PSMG1: variants seen among roughly 807,000 people sequenced by gnomAD.
PSMG1 encodes Down syndrome critical region gene 2.
Under a neutral mutation model 37.2 loss-of-function variants are expected in PSMG1, and 23 were observed. That is an observed-to-expected ratio of 0.62 (90% CI 0.44 to 0.88). The LOEUF (loss-of-function observed/expected upper bound fraction) is 0.88. PSMG1 is among the 40% of genes least tolerant of loss of function. PSMG1 has a pLI of 0.00. For missense variants in PSMG1, 340 were observed against 344.2 expected (o/e 0.99, Z 0.10); for synonymous variants, 127 against 128.0 (o/e 0.99, Z 0.05).
intron 1 of PSMG1, 127 bp downstream of exon 1, chr21:39,183,125 G>C: frequency 8.2e-7 from 1 of 1,225,974 alleles, no homozygotes; most frequent in Non-Finnish European, 1.1e-6. Context: ...GCAGAGCCAA[G>C]GAGCGGCGGC....
In PSMG1 at chr21:39,175,064, C is replaced by CA. The variant is rs1447663734; in HGVS notation, c.*525dup. Reference sequence around the variant, plus strand: ...AAACTTTCCACATATTAAGAATCACCAACAGGTCAATGAATAGTTACACCT... The same window carrying CA: ...AAACTTTCCACATATTAAGAATCACCAAACAGGTCAATGAATAGTTACACCT... On this transcript the variant is annotated 3_prime_UTR_variant, in exon 7 of 7. Transcript: ENST00000331573. 1 of 152,162 alleles carries CA rather than the reference C, an allele frequency of 6.6e-6. No individual in the cohort carries two copies. Among genetic ancestry groups the CA allele is most frequent in the Non-Finnish European group, 1.5e-5 (1 of 68,042 alleles). The allele number at this position is 152,162 out of a possible 1,614,324, so 9.4% of individuals were successfully genotyped here. A position where few individuals can be genotyped will look rare whatever the true frequency, so the allele number is the denominator to read the frequency against.
intron 1 of PSMG1, among the ~76,000 whole-genome samples, chr21:39,182,420 G>C (rs1245078132): frequency 1.3e-5 from 2 of 152,204 alleles, no homozygotes; most frequent in African/African-American, 4.8e-5. Context: ...TGTGGACCCT[G>C]TTAGGATTCT....
upstream of PSMG1, chr21:39,183,461 T>C: frequency 2.7e-6 from 4 of 1,471,378 alleles, no homozygotes; most frequent in African/African-American, 4.3e-5. Context: ...CCACGCTCCC[T>C]CACCGCGCGG....
chr21:39,180,456 T>A lies in PSMG1; in HGVS notation c.242-20A>T. On this transcript the variant is annotated intron_variant, in intron 2 of 6. Transcript: ENST00000331573. ...GAAATGCTGTAAAAAACAATTCACA[T>A]AAGTTAGTGTTTGGCTCTGCAAGCT... 1.3e-6 allele frequency: 2 copies of A among 1,559,672 alleles called. No homozygotes were observed. Among genetic ancestry groups the A allele is most frequent in the Non-Finnish European group, 1.7e-6 (2 of 1,152,248 alleles).
In PSMG1 at chr21:39,178,456, A is replaced by C; in HGVS notation, c.648T>G (p.Pro216=). 3 of 1,610,656 alleles carry C rather than the reference A, an allele frequency of 1.9e-6. No individual in the cohort carries two copies. The highest frequency in any genetic ancestry group is 2.5e-6 in the Non-Finnish European group (3 of 1,176,834). The change falls in exon 5 of 7, where the codon CCT becomes CCG. Residue 216 remains proline, a synonymous_variant. Transcript: ENST00000331573. ...LEQPNIVHDL[P]AAVLSYCQVW... Reference sequence around the variant, plus strand: ...TACAAATTTTAATACCACCTGCTGCAGGAAGGTCGTGTACTATATTCGGTT... The same window carrying C: ...TACAAATTTTAATACCACCTGCTGCCGGAAGGTCGTGTACTATATTCGGTT...
intron 1 of PSMG1, 145 bp from the exon 2 acceptor site, chr21:39,182,023 C>G: frequency 2.1e-6 from 1 of 471,694 alleles, no homozygotes; most frequent in East Asian, 3.7e-5. Flanking sequence ...AAACGATGGA[C>G]TCGGACAATG....
rs1173636726 is a variant in PSMG1 at position 39,183,426 on chromosome 21, G to GGACCGCACGCCGGCTTGCGCGA, written c.-63_-42dup. The GGACCGCACGCCGGCTTGCGCGA allele has an allele frequency of 2.0e-6, 3 of 1,535,948 alleles. No homozygotes were observed. The highest frequency in any genetic ancestry group is 2.6e-6 in the Non-Finnish European group (3 of 1,145,738). ...GGCTGGACACAACTGCAGCGCCGCG[G>GGACCGCACGCCGGCTTGCGCGA]GACCGCACGCCGGCTTGCGCGAGAC... On this transcript the variant is annotated 5_prime_UTR_variant, in exon 1 of 7. Transcript: ENST00000331573.
Position 39,180,455 on chromosome 21 carries a change from A to G in PSMG1, c.242-19T>C, listed in dbSNP as rs377594764. 67 of 1,564,430 alleles carry G rather than the reference A, an allele frequency of 4.3e-5. No homozygotes were observed. The highest frequency in any genetic ancestry group is 6.8e-5 in the East Asian group (3 of 44,118). On this transcript the variant is annotated intron_variant, in intron 2 of 6. Coordinates refer to ENST00000331573, the MANE Select transcript of PSMG1 (RefSeq NM_003720.4). ...AGAAATGCTGTAAAAAACAATTCAC[A>G]TAAGTTAGTGTTTGGCTCTGCAAGC...
rs763315793 is a variant in PSMG1 at position 39,177,586 on chromosome 21, GA to G, written c.656-16del. The G allele has an allele frequency of 4.1e-5, 60 of 1,460,916 alleles. No individual in the cohort carries two copies. Among genetic ancestry groups the G allele is most frequent in the South Asian group, 8.7e-5 (6 of 69,040 alleles). 90.5% of individuals were successfully genotyped at this position (1,460,916 alleles called of 1,614,324 possible). ...GTAGCTTAGAACTATGAATACACAA[GA>G]AAAAAAAACGATGTAAGTTTTCTAT... On this transcript the variant is annotated splice_polypyrimidine_tract_variant and intron_variant, in intron 5 of 6. Coordinates refer to ENST00000331573, the MANE Select transcript of PSMG1 (RefSeq NM_003720.4).
chr21:39,177,545 T>C lies in PSMG1; in HGVS notation c.682A>G (p.Ile228Val). 6.3e-7 allele frequency: 1 copy of C among 1,589,952 alleles called. No individual in the cohort carries two copies. Among genetic ancestry groups the C allele is most frequent in the Non-Finnish European group, 8.6e-7 (1 of 1,169,170 alleles). ...AVLSYCQVWKIPAILYLCYTD... is the reference protein window; with the variant it reads ...AVLSYCQVWKVPAILYLCYTD... The stretch of plus-strand genomic sequence containing the variant: ...TAACACAAGTACAGAATTGCTGGGA[T>C]TTTCCATACTTGACAGTAGCTTAGA... The change falls in exon 6 of 7, where the codon ATC (isoleucine) becomes GTC (valine). Residue 228 changes from isoleucine to valine, a missense_variant. By Grantham distance (29) the Ile-to-Val change is conservative (BLOSUM62 3). Transcript: ENST00000331573.
Position 39,175,676 on chromosome 21 carries a change from GA to G in PSMG1, c.793-13del, listed in dbSNP as rs759991605. On this transcript the variant is annotated splice_polypyrimidine_tract_variant and intron_variant, in intron 6 of 6. Transcript: ENST00000331573. ...CTTTGGGGAATATTCTGAAAGGAGA[GA>G]AAAAAGTGAATACAGTGAGACCCCA... 16 of 1,521,146 alleles carry G rather than the reference GA, an allele frequency of 1.1e-5. No individual in the cohort carries two copies. The highest frequency in any genetic ancestry group is 1.5e-5 in the Non-Finnish European group (16 of 1,096,378). 94.2% of individuals were successfully genotyped at this position (1,521,146 alleles called of 1,614,324 possible). A position where few individuals can be genotyped will look rare whatever the true frequency, so the allele number is the denominator to read the frequency against.
chr21:39,177,982 A>G (rs1007904281), intron 5 of PSMG1, among the ~76,000 whole-genome samples: 1 of 152,200 alleles, frequency 6.6e-6, no homozygotes, highest in African/African-American at 2.4e-5. Context: ...AGTTCATATA[A>G]TAAATAACAA....
At chr21:39,183,468 G>GCGGGCAATAAGTCCCGCCCCGCA (rs2030958134), upstream of PSMG1, 30 of 1,458,062 alleles carry the variant, frequency 2.1e-5, no homozygotes, top group Non-Finnish European at 2.5e-5. Context: ...CCCTCACCGC[G>GCGGGCAATAAGTCCCGCCCCGCA]CGGGCAATAA....
Position 39,175,537 on chromosome 21 carries a change from G to A in PSMG1, c.*53C>T. Reference sequence around the variant, plus strand: ...AGTAATCTACAAAAGAGTGCAGGCTGCTCCCCTTAAAGGAATGGACAAGTA... The same window carrying A: ...AGTAATCTACAAAAGAGTGCAGGCTACTCCCCTTAAAGGAATGGACAAGTA... On this transcript the variant is annotated 3_prime_UTR_variant, in exon 7 of 7. Transcript: ENST00000331573. 1.3e-6 allele frequency: 2 copies of A among 1,553,692 alleles called. No individual in the cohort carries two copies. Among genetic ancestry groups the A allele is most frequent in the Non-Finnish European group, 1.7e-6 (2 of 1,146,168 alleles).
At chr21:39,179,572 C>T (rs1386389400) in intron 4 of PSMG1, among the ~76,000 whole-genome samples, 1 of 152,076 alleles carries the variant, frequency 6.6e-6, no homozygotes, top group African/African-American at 2.4e-5. Flanking sequence ...TCTAAGAACC[C>T]TTTTACCTTT....
At chr21:39,180,643 C>T (rs1287935112) in intron 2 of PSMG1, among the ~76,000 whole-genome samples, 1 of 152,146 alleles carries the variant, frequency 6.6e-6, no homozygotes, top group African/African-American at 2.4e-5. Flanking sequence ...AATCCTAGAG[C>T]TAGGGATCAA....
rs1338286185 is a variant in PSMG1, at chr21:39,180,007, C to CT, written c.394-22dup. The CT allele has an allele frequency of 2.5e-6, 4 of 1,595,590 alleles. No homozygotes were observed. In the East Asian group the frequency reaches 6.7e-5, roughly 27 times the overall value. ...AAAACCTGAAAAGTCAAGTTCCACGCTTTTTGTCAAGTAAGTTTTATACAC... is the reference window on the plus strand; with the variant it reads ...AAAACCTGAAAAGTCAAGTTCCACGCTTTTTTGTCAAGTAAGTTTTATACAC... On this transcript the variant is annotated intron_variant, in intron 3 of 6. Transcript: ENST00000331573.
rs577212386 is a variant in PSMG1 at position 39,181,633 on chromosome 21, G to A, written c.241+139C>T. On this transcript the variant is annotated intron_variant, in intron 2 of 6. Coordinates refer to ENST00000331573, the MANE Select transcript of PSMG1 (RefSeq NM_003720.4). ...AAAAAATGATGCAACAGGAACAGGAGAGAGATTTTACTCAGAAATACAATC... is the reference window on the plus strand; with the variant it reads ...AAAAAATGATGCAACAGGAACAGGAAAGAGATTTTACTCAGAAATACAATC... 34 of 517,228 alleles carry A rather than the reference G, an allele frequency of 6.6e-5. No individual in the cohort carries two copies. The East Asian group carries it at 1.3e-3, about 19-fold the overall frequency. 32.0% of individuals were successfully genotyped at this position (517,228 alleles called of 1,614,324 possible). A position where few individuals can be genotyped will look rare whatever the true frequency, so the allele number is the denominator to read the frequency against.
intron 6 of PSMG1, 21 bp from the exon 7 acceptor site, chr21:39,175,685 G>A (rs1450190985): frequency 6.8e-7 from 1 of 1,471,354 alleles, no homozygotes; most frequent in Admixed American, 1.7e-5. Flanking sequence ...AGAAAAAAGT[G>A]AATACAGTGA....
Sources: gnomAD v4.1 joint callset for allele counts (sites outside exome capture counted in the v4.1 genomes callset) on GRCh38, gnomAD v4.1.1 for gene constraint, MANE v1.5 for transcripts, NCBI Gene and HGNC (gene_info 2026-07-23, HGNC 2026-07-21) for gene names.